CFAP299: variants seen among roughly 807,000 people sequenced by gnomAD.
CFAP299 encodes the protein cilia and flagella associated protein 299.
A neutral mutation model predicts 27.0 loss-of-function variants in CFAP299; 21 were observed. The ratio of observed to expected loss-of-function variants is 0.78; its 90% confidence interval spans 0.55 to 1.12. CFAP299 has a LOEUF of 1.12. Among genes scored for constraint, CFAP299 ranks in the 50% most tolerant of loss-of-function variants. CFAP299 has a pLI of 0.00. For missense variants in CFAP299, 310 were observed against 276.6 expected (o/e 1.12, Z -0.86); for synonymous variants, 104 against 98.1 (o/e 1.06, Z -0.36).
intron 3 of CFAP299, among the ~76,000 whole-genome samples, chr4:80,800,354 ATG>A (rs1171974098): frequency 1.4e-4 from 9 of 63,760 alleles, no homozygotes; most frequent in Middle Eastern, 0.021. Flanking sequence ...TATAATATAT[ATG>A]ATATATTAAT....
chr4:80,779,441 C>T (rs141422417), intron 3 of CFAP299, among the ~76,000 whole-genome samples: 147 of 152,150 alleles, frequency 9.7e-4, no homozygotes, highest in Middle Eastern at 6.8e-3. Context: ...AAATTAAATG[C>T]GACCAGGCAA....
At chr4:80,874,577 G>A (rs1476077565) in intron 4 of CFAP299, among the ~76,000 whole-genome samples, 1 of 152,144 alleles carries the variant, frequency 6.6e-6, no homozygotes, top group Non-Finnish European at 1.5e-5. Context: ...CATTTGGTGA[G>A]GCCTCCTTTC....
At chr4:80,605,676 C>T (rs1737622527) in intron 3 of CFAP299, among the ~76,000 whole-genome samples, 1 of 152,074 alleles carries the variant, frequency 6.6e-6, no homozygotes, top group Non-Finnish European at 1.5e-5. Context: ...TGTATGTCTC[C>T]TATTTAATAA....
At chr4:80,550,068 T>C (rs1256191946) in intron 2 of CFAP299, among the ~76,000 whole-genome samples, 2 of 151,918 alleles carry the variant, frequency 1.3e-5, no homozygotes, top group African/African-American at 2.4e-5. Flanking sequence ...AATATCTTTG[T>C]ACTTCTAATA....
At chr4:80,558,074 C>G (rs1222555988) in intron 2 of CFAP299, among the ~76,000 whole-genome samples, 2 of 152,054 alleles carry the variant, frequency 1.3e-5, no homozygotes, top group East Asian at 3.9e-4. Context: ...TAATAATGGT[C>G]AACACAACTG....
chr4:80,735,718 G>T (rs1375166641), intron 3 of CFAP299, among the ~76,000 whole-genome samples: 1 of 152,082 alleles, frequency 6.6e-6, no homozygotes, highest in Admixed American at 6.6e-5. Context: ...CCTTCATTCT[G>T]TTGATAAGAT....
Position 80,808,674 on chromosome 4 carries a change from T to C in CFAP299, c.334-61319T>C, listed in dbSNP as rs925770383. ...CATTTCAAAAACTACTAACCTGCTA[T>C]TCCATGTGCTGCACATGTTAGGCAT... On this transcript the variant is annotated intron_variant, in intron 3 of 5. Transcript: ENST00000358105. Among the ~76,000 whole-genome samples, 9 of 152,168 alleles carry C rather than the reference T, an allele frequency of 5.9e-5. No individual in the cohort carries two copies. The East Asian group carries it at 1.3e-3, about 23-fold the overall frequency.
chr4:80,853,179 T>G (rs1002377848), intron 3 of CFAP299, among the ~76,000 whole-genome samples: 93 of 152,184 alleles, frequency 6.1e-4, no homozygotes, highest in African/African-American at 2.1e-3. Context: ...TACAGGTACC[T>G]GCCATCACAT....
intron 3 of CFAP299, among the ~76,000 whole-genome samples, chr4:80,829,484 A>G (rs1730179666): frequency 6.6e-6 from 1 of 152,100 alleles, no homozygotes; most frequent in Admixed American, 6.6e-5. Context: ...TGCAAATGTT[A>G]ACTAGTATAG....
chr4:80,453,841 A>AAATAATAATAATAAT (rs10692004), intron 2 of CFAP299, among the ~76,000 whole-genome samples: 9 of 135,978 alleles, frequency 6.6e-5, no homozygotes, highest in South Asian at 2.5e-4. Flanking sequence ...ACCCTGTCTC[A>AAATAATAATAATAAT]AATAATAATA....
intron 4 of CFAP299, among the ~76,000 whole-genome samples, chr4:80,903,339 G>A (rs973243730): frequency 6.6e-6 from 1 of 151,816 alleles, no homozygotes; most frequent in Non-Finnish European, 1.5e-5. Context: ...AAAGGGAAAG[G>A]TTTACATCTA....
At chr4:80,530,988 G>A (rs1159218748) in intron 2 of CFAP299, among the ~76,000 whole-genome samples, 1 of 152,124 alleles carries the variant, frequency 6.6e-6, no homozygotes, top group Non-Finnish European at 1.5e-5. Flanking sequence ...GTTTTATTTA[G>A]TATAAGACTG....
At chr4:80,680,270 G>A (rs894559755) in intron 3 of CFAP299, among the ~76,000 whole-genome samples, 1 of 152,042 alleles carries the variant, frequency 6.6e-6, no homozygotes, top group Admixed American at 6.6e-5. Flanking sequence ...TTTCTTGACA[G>A]TAACAGTCAA....
At chr4:80,690,575 C>T (rs2110015489) in intron 3 of CFAP299, among the ~76,000 whole-genome samples, 1 of 151,914 alleles carries the variant, frequency 6.6e-6, no homozygotes, top group East Asian at 1.9e-4. Flanking sequence ...GCACTACATG[C>T]CCACAAGAGA....
At chr4:80,665,699 C>G (rs1375014310) in intron 3 of CFAP299, among the ~76,000 whole-genome samples, 1 of 152,024 alleles carries the variant, frequency 6.6e-6, no homozygotes, top group Non-Finnish European at 1.5e-5. Flanking sequence ...GATCTGTGTA[C>G]CCACCCAAAT....
intron 3 of CFAP299, among the ~76,000 whole-genome samples, chr4:80,840,084 C>T (rs1170783469): frequency 1.3e-5 from 2 of 152,098 alleles, no homozygotes; most frequent in African/African-American, 4.8e-5. Context: ...TGAAACAGTT[C>T]ATGTCAGAAA....
At position 80,534,665 on chromosome 4, in the gene CFAP299, A is replaced by G. The variant is rs544323197; in HGVS notation, c.243-48428A>G. Among the ~76,000 whole-genome samples the G allele has an allele frequency of 9.6e-4, 146 of 152,256 alleles. 1 individual carries two copies. The highest frequency in any genetic ancestry group is 1.8e-3 in the Non-Finnish European group (123 of 67,976). ...GTATAAAGACATATGTTTAAAGTAT[A>G]AAGATACTTTCTTCTTGTTTCAGAA... On this transcript the variant is annotated intron_variant, in intron 2 of 5. Transcript: ENST00000358105.
At chr4:80,780,436 C>G (rs1726804876) in intron 3 of CFAP299, among the ~76,000 whole-genome samples, 1 of 152,042 alleles carries the variant, frequency 6.6e-6, no homozygotes, top group Admixed American at 6.6e-5. Flanking sequence ...GCAATTAGCA[C>G]AGCATATTAA....
At chr4:80,331,380 A>T (rs1181069274), upstream of CFAP299, among the ~76,000 whole-genome samples, 1 of 152,174 alleles carries the variant, frequency 6.6e-6, no homozygotes, top group Non-Finnish European at 1.5e-5. Flanking sequence ...GCCTGGTGAG[A>T]TCCGTGTTTT....
Sources: gnomAD v4.1 joint callset for allele counts (sites outside exome capture counted in the v4.1 genomes callset) on GRCh38, gnomAD v4.1.1 for gene constraint, MANE v1.5 for transcripts, NCBI Gene and HGNC (gene_info 2026-07-23, HGNC 2026-07-21) for gene names.